The following ATCAY variants were observed in gnomAD, a reference collection of about 807,000 sequenced individuals.
The protein encoded by ATCAY is ATCAY kinesin light chain interacting caytaxin.
A neutral mutation model predicts 47.7 loss-of-function variants in ATCAY; 22 were observed. The observed-to-expected ratio is 0.46, with a 90% CI of 0.33 to 0.66. ATCAY has a LOEUF of 0.66. Among genes scored for constraint, ATCAY ranks in the 30% least tolerant of loss-of-function variants. ATCAY has a pLI of 0.02. For synonymous variants in ATCAY, 216 were observed against 207.6 expected (o/e 1.04, Z -0.35); for missense variants, 452 against 515.0 (o/e 0.88, Z 1.18).
chr19:3,912,532 G>C (rs965337416), intron 8 of ATCAY, among the ~76,000 whole-genome samples: 5 of 151,880 alleles, frequency 3.3e-5, no homozygotes, highest in Non-Finnish European at 7.4e-5. Context: ...GGATGGTCTC[G>C]ATCTCCTGAC....
chr19:3,895,117 T>C (rs766850567), intron 2 of ATCAY: 3 of 456,242 alleles, frequency 6.6e-6, no homozygotes, highest in South Asian at 4.6e-5. Flanking sequence ...TTTATATACA[T>C]GGTCTCAAGC....
At chr19:3,916,516 C>T (rs774034889) in intron 9 of ATCAY, among the ~76,000 whole-genome samples, 16 of 152,106 alleles carry the variant, frequency 1.1e-4, no homozygotes, top group Non-Finnish European at 2.1e-4. Context: ...TTTTTTGAGA[C>T]GGAGTCTCAC....
At chr19:3,918,549 T>G in intron 10 of ATCAY, among the ~76,000 whole-genome samples, 1 of 107,950 alleles carries the variant, frequency 9.3e-6, no homozygotes. Flanking sequence ...AGCAAGATCC[T>G]GTCTCAAAAA....
chr19:3,893,404 G>A (rs751498789), intron 2 of ATCAY, among the ~76,000 whole-genome samples: 2 of 151,854 alleles, frequency 1.3e-5, no homozygotes, highest in East Asian at 1.9e-4. Context: ...GGTCTTGATC[G>A]CTTGACCTTA....
At chr19:3,881,265 G>T (rs796172423) in intron 1 of ATCAY, among the ~76,000 whole-genome samples, 1 of 151,862 alleles carries the variant, frequency 6.6e-6, no homozygotes, top group African/African-American at 2.4e-5. Flanking sequence ...TTCAGGACAC[G>T]CTGAGAGCTC....
intron 1 of ATCAY, among the ~76,000 whole-genome samples, chr19:3,884,057 G>A (rs757807019): frequency 6.6e-6 from 1 of 152,006 alleles, no homozygotes; most frequent in Non-Finnish European, 1.5e-5. Flanking sequence ...TAATCCCAGC[G>A]CTCTGGGAGG....
At chr19:3,883,257 C>T (rs1174590229) in intron 1 of ATCAY, among the ~76,000 whole-genome samples, 1 of 152,004 alleles carries the variant, frequency 6.6e-6, no homozygotes, top group Non-Finnish European at 1.5e-5. Context: ...GCCTGTAGTC[C>T]AAGCTACTCA....
intron 11 of ATCAY, 43 bp from the exon 12 acceptor site, chr19:3,920,723 A>C (rs2039010081): frequency 6.5e-7 from 1 of 1,530,934 alleles, no homozygotes. Flanking sequence ...CCAGGCTCCC[A>C]AAAATAAGCA....
Position 3,908,350 on chromosome 19 carries a change from C to T in ATCAY, c.627C>T (p.Tyr209=), listed in dbSNP as rs924038752. The T allele has an allele frequency of 7.5e-6, 12 of 1,592,182 alleles. No individual in the cohort carries two copies. Among genetic ancestry groups the T allele is most frequent in the Non-Finnish European group, 1.0e-5 (12 of 1,169,210 alleles). The change falls in exon 6 of 13, where the codon TAC becomes TAT. Residue 209 remains tyrosine, a synonymous_variant. Transcript: ENST00000450849. ...LPDSSLPDYH[Y]IMENLFLYVI... ...ACAGCAGCCTCCCCGACTACCACTA[C>T]ATCATGGAGAACCTCTTCCTGTGAG...
intron 2 of ATCAY, among the ~76,000 whole-genome samples, chr19:3,889,911 C>T (rs2038699593): frequency 6.6e-6 from 1 of 151,930 alleles, no homozygotes. Context: ...GCTCCCTTTC[C>T]CCCTACTGAT....
chr19:3,917,628 A>C lies in ATCAY; in HGVS notation c.966-114A>C, dbSNP rs372076528. 415 of 1,136,408 alleles carry C rather than the reference A, an allele frequency of 3.7e-4. 6 individuals carry two copies. The South Asian group carries it at 5.5e-3, about 15-fold the overall frequency. The allele number at this position is 1,136,408 out of a possible 1,614,324, so 70.4% of individuals were successfully genotyped here. ...AAAAAAAAGGAAGAAGAAGAAGAAG[A>C]AAAGAAAGAAAAAAGAGAGCTTGTT... On this transcript the variant is annotated intron_variant, in intron 9 of 12. Coordinates refer to ENST00000450849, the MANE Select transcript of ATCAY (RefSeq NM_033064.5).
chr19:3,920,702 A>T (rs753279401), intron 11 of ATCAY, 64 bp from the exon 12 acceptor site: 167 of 1,417,974 alleles, frequency 1.2e-4, no homozygotes, highest in Middle Eastern at 5.7e-4. Context: ...AAGAAAAAAA[A>T]GGGAAAATGC....
At chr19:3,908,227 G>C (rs2038883199) in intron 5 of ATCAY, 41 bp from the exon 6 acceptor site, 2 of 1,514,878 alleles carry the variant, frequency 1.3e-6, no homozygotes, top group Admixed American at 3.9e-5. Context: ...CTCAGGGCTG[G>C]GAGAGGACTC....
At chr19:3,924,233 GTGGA>G (rs113947508) in intron 12 of ATCAY, among the ~76,000 whole-genome samples, 21,964 of 140,600 alleles carry the variant, frequency 0.16, 2,022 homozygotes, top group African/African-American at 0.26. Flanking sequence ...GAGTGAGTGT[GTGGA>G]TGGATGGATG....
Position 3,907,866 on chromosome 19 carries a change from A to G in ATCAY, c.491A>G (p.His164Arg), listed in dbSNP as rs1315164000. ...ACAGTGATCATCGGGGAGCAAGAGC[A>G]CCGTATAGACCTGCACATGATCCGG... ...WRTVIIGEQE[H>R]RIDLHMIRPY... Residue 164 changes from histidine (H) to arginine (R), a missense_variant, in exon 5 of 13, where the codon CAC (histidine) becomes CGC (arginine). His to Arg is a conservative substitution (Grantham distance 29, BLOSUM62 0). Transcript: ENST00000450849. The surrounding 1 kb of genome is among the most constrained non-coding windows in gnomAD (Gnocchi z 5.1). 1.9e-6 allele frequency: 3 copies of G among 1,613,828 alleles called. No individual in the cohort carries two copies. The highest frequency in any genetic ancestry group is 8.5e-7 in the Non-Finnish European group (1 of 1,179,844).
At chr19:3,921,707 G>A (rs2039021214) in intron 12 of ATCAY, among the ~76,000 whole-genome samples, 1 of 152,122 alleles carries the variant, frequency 6.6e-6, no homozygotes, top group Non-Finnish European at 1.5e-5. Context: ...AGACCAGCCT[G>A]GCCAATATGG....
chr19:3,913,627 C>A, intron 8 of ATCAY, 131 bp from the exon 9 acceptor site: 3 of 655,298 alleles, frequency 4.6e-6, no homozygotes, highest in Admixed American at 4.8e-5. Flanking sequence ...AGGGAGGTGT[C>A]GTCGTCTGCA....
intron 7 of ATCAY, 138 bp downstream of exon 7, chr19:3,909,755 C>A: frequency 8.0e-7 from 1 of 1,245,610 alleles, no homozygotes; most frequent in Non-Finnish European, 1.1e-6. Flanking sequence ...GAGTTTGAGA[C>A]CAGCCTGGGC....
chr19:3,890,246 A>ATTT (rs2038703887), intron 2 of ATCAY, among the ~76,000 whole-genome samples: 1 of 74,082 alleles, frequency 1.3e-5, no homozygotes. Context: ...CTCCACCTAT[A>ATTT]ATTTTTTTTT....
Sources: gnomAD v4.1 joint callset for allele counts (sites outside exome capture counted in the v4.1 genomes callset) on GRCh38, gnomAD v4.1.1 for gene constraint, Gnocchi (gnomAD v3.1) non-coding constraint, MANE v1.5 for transcripts, NCBI Gene and HGNC (gene_info 2026-07-23, HGNC 2026-07-21) for gene names.